GSE1: variants seen among roughly 807,000 people sequenced by gnomAD.
GSE1 encodes Gse1 coiled-coil protein.
A neutral mutation model predicts 112.6 loss-of-function variants in GSE1; 32 were observed. The ratio of observed to expected loss-of-function variants is 0.28; its 90% CI spans 0.21 to 0.38. The LOEUF is 0.38. Ranked by LOEUF, GSE1 falls within the 10% of genes least tolerant of loss-of-function variation. The pLI is 1.00. For missense variants in GSE1, 2,348 were observed against 1,699.2 expected (o/e 1.38, Z -6.71); for synonymous variants, 1,115 against 735.6 (o/e 1.52, Z -8.35).
intron 7 of GSE1, among the ~76,000 whole-genome samples, 197 bp from the exon 8 acceptor site, chr16:85,657,080 G>A (rs1412505310): frequency 2.0e-5 from 3 of 152,184 alleles, no homozygotes; most frequent in East Asian, 1.9e-4. Flanking sequence ...AGCCAGCCAC[G>A]GAGCGTTTCC....
chr16:85,325,024 A>G (rs1312762595), intron 1 of GSE1, among the ~76,000 whole-genome samples: 3 of 152,072 alleles, frequency 2.0e-5, no homozygotes, highest in South Asian at 2.1e-4. Flanking sequence ...CTGGAATGCA[A>G]TGGTACAATC....
At chr16:85,267,565 T>C (rs565016465) in intron 1 of GSE1, among the ~76,000 whole-genome samples, 48 of 152,288 alleles carry the variant, frequency 3.2e-4, no homozygotes, top group Admixed American at 9.8e-4. Context: ...AGCTTGCATC[T>C]AGCTGCTCTC....
chr16:85,645,503 G>T (rs1168116757), intron 2 of GSE1, among the ~76,000 whole-genome samples: 1 of 152,162 alleles, frequency 6.6e-6, no homozygotes, highest in African/African-American at 2.4e-5. Context: ...GGACAGGGCA[G>T]CTGCCCCACC....
At chr16:85,611,107 C>T (rs2047951413), upstream of GSE1, among the ~76,000 whole-genome samples, 1 of 152,240 alleles carries the variant, frequency 6.6e-6, no homozygotes, top group South Asian at 2.1e-4. Context: ...GCCTAGGTGT[C>T]TACCCGGCCA....
At chr16:85,212,800 T>C (rs1247170704) in intron 1 of GSE1, among the ~76,000 whole-genome samples, 1 of 152,144 alleles carries the variant, frequency 6.6e-6, no homozygotes, top group Admixed American at 6.5e-5. Flanking sequence ...GGGGCGTCTG[T>C]GTTTTCTTAA....
At chr16:85,484,827 C>T (rs1453929651) in intron 2 of GSE1, among the ~76,000 whole-genome samples, 1 of 152,384 alleles carries the variant, frequency 6.6e-6, no homozygotes, top group East Asian at 1.9e-4. Flanking sequence ...GCTCCCCTGC[C>T]TTACCTGTCT....
intron 2 of GSE1, among the ~76,000 whole-genome samples, chr16:85,456,579 C>CGTGTGTGTGT (rs35279881): frequency 0.019 from 1,758 of 91,506 alleles, 80 homozygotes; most frequent in East Asian, 0.027. Context: ...ATTTTCCTGC[C>CGTGTGTGTGT]GTGTGTGTGT....
intron 2 of GSE1, among the ~76,000 whole-genome samples, chr16:85,366,314 C>CT (rs1353383574): frequency 2.0e-5 from 3 of 152,264 alleles, no homozygotes; most frequent in Admixed American, 1.3e-4. Flanking sequence ...GCACAAGAGC[C>CT]CCCCTTCCCT....
chr16:85,245,197 C>T (rs527439996), intron 1 of GSE1, among the ~76,000 whole-genome samples: 2 of 152,078 alleles, frequency 1.3e-5, no homozygotes, highest in African/African-American at 4.8e-5. Context: ...ACACCCCTGG[C>T]TCCACTCACC....
At chr16:85,215,764 T>A (rs192793973) in intron 1 of GSE1, among the ~76,000 whole-genome samples, 16 of 151,988 alleles carry the variant, frequency 1.1e-4, no homozygotes, top group African/African-American at 3.9e-4. Context: ...TGGGGGGGTG[T>A]GATTATTATG....
chr16:85,354,677 C>T (rs1335667130), intron 1 of GSE1, among the ~76,000 whole-genome samples: 1 of 152,256 alleles, frequency 6.6e-6, no homozygotes, highest in East Asian at 1.9e-4. Context: ...CCAGCCCATC[C>T]CCTGGGGGCT....
At chr16:85,246,366 CACCACACGCTG>C (rs1905752931) in intron 1 of GSE1, among the ~76,000 whole-genome samples, 1 of 126,262 alleles carries the variant, frequency 7.9e-6, no homozygotes, top group African/African-American at 3.2e-5. Flanking sequence ...CACACACACA[CACCACACGCTG>C]TCTACACACA....
intron 8 of GSE1, chr16:85,659,649 C>G (rs1211230902): frequency 6.6e-6 from 1 of 152,222 alleles, no homozygotes; most frequent in African/African-American, 2.4e-5. Context: ...GCACTCCAGC[C>G]TGGGTAACAC....
chr16:85,608,240 G>T (rs1033201110), upstream of GSE1, among the ~76,000 whole-genome samples: 3 of 152,178 alleles, frequency 2.0e-5, no homozygotes, highest in East Asian at 1.9e-4. Context: ...GGCAGGGCTG[G>T]GGGCTGAGGG....
intron 1 of GSE1, among the ~76,000 whole-genome samples, chr16:85,298,456 G>C (rs1331095643): frequency 6.6e-6 from 1 of 152,102 alleles, no homozygotes; most frequent in Non-Finnish European, 1.5e-5. Flanking sequence ...TTGAGATGGA[G>C]TCTCTCTCTC....
intron 1 of GSE1, among the ~76,000 whole-genome samples, chr16:85,217,016 A>C (rs573866765): frequency 5.9e-5 from 9 of 152,224 alleles, no homozygotes; most frequent in Non-Finnish European, 8.8e-5. Context: ...TGTGGTTGAC[A>C]CAGGGCCGTA....
At chr16:85,383,497 GCA>G (rs11473067) in intron 2 of GSE1, among the ~76,000 whole-genome samples, 70,726 of 147,812 alleles carry the variant, frequency 0.48, 17,394 homozygotes, top group Middle Eastern at 0.56. Flanking sequence ...AGAGCTCCCA[GCA>G]CACACACACA....
chr16:85,293,990 C>T (rs2045293351), intron 1 of GSE1, among the ~76,000 whole-genome samples: 1 of 152,212 alleles, frequency 6.6e-6, no homozygotes, highest in South Asian at 2.1e-4. Context: ...AGCATGATGC[C>T]TCCCCATGCT....
chr16:85,554,915 C>T (rs1210844999), upstream of GSE1: 2 of 985,280 alleles, frequency 2.0e-6, no homozygotes, highest in Non-Finnish European at 2.4e-6. Flanking sequence ...AAGGGGAGCA[C>T]CCTGCCTTCG....
Sources: allele counts gnomAD v4.1 joint callset (sites outside exome capture counted in the v4.1 genomes callset), GRCh38; gene constraint gnomAD v4.1.1; transcripts MANE v1.5; gene names NCBI Gene and HGNC (gene_info 2026-07-23, HGNC 2026-07-21).